MEG3: variants seen among roughly 807,000 people sequenced by gnomAD.
MEG3 encodes the protein maternally expressed 3, also known as Very putative protein from MEG3 locus.
intron 1 of MEG3, chr14:100,827,279 GGAA>G (rs1313041057): frequency 1.3e-5 from 2 of 151,754 alleles, no homozygotes; most frequent in African/African-American, 4.8e-5. Flanking sequence ...GCAGGTTTCT[GGAA>G]GGTTTCCTGG....
downstream of MEG3, chr14:100,830,385 C>A (rs4988990): frequency 0.25 from 34,223 of 138,992 alleles, 4,118 homozygotes; most frequent in Non-Finnish European, 0.26. Flanking sequence ...ACACACACAC[C>A]CCCTCGTGTA....
chr14:100,841,901 G>A (rs1355226991), intron 2 of MEG3, among the ~76,000 whole-genome samples: 1 of 152,188 alleles, frequency 6.6e-6, no homozygotes, highest in African/African-American at 2.4e-5. Flanking sequence ...TTTGGGTCCT[G>A]AGACCCTCGC....
At chr14:100,840,090 G>A (rs1377665270) in intron 2 of MEG3, among the ~76,000 whole-genome samples, 1 of 152,232 alleles carries the variant, frequency 6.6e-6, no homozygotes, top group East Asian at 1.9e-4. Context: ...GGCCGCCGTG[G>A]GCCTCCCAAC....
At chr14:100,832,938 C>T (rs1451763680), downstream of MEG3, 1 of 152,262 alleles carries the variant, frequency 6.6e-6, no homozygotes, top group Non-Finnish European at 1.5e-5. Context: ...CAGTTCCCAA[C>T]TCTAGCTCTC....
chr14:100,845,734 T>A lies in MEG3; in HGVS notation n.3121+201T>A. 1.8e-4 allele frequency: 40 copies of A among 226,220 alleles called. No individual in the cohort carries two copies. Among genetic ancestry groups the A allele is most frequent in the East Asian group, 2.8e-4 (2 of 7,114 alleles). 14.0% of individuals were successfully genotyped at this position (226,220 alleles called of 1,614,324 possible). On this transcript the variant is annotated intron_variant and non_coding_transcript_variant, in intron 3 of 3. Transcript: ENST00000398461. The surrounding 1 kb of genome is among the most constrained non-coding windows in gnomAD (Gnocchi z 5.2). ...CCTGTTTTCTAAGACAGGAGCCCCC[T>A]GCCTCCTTGTGTTGTCTCTGTGGCA...
chr14:100,852,048 A>T (rs2038096119), intron 3 of MEG3: 1 of 280,394 alleles, frequency 3.6e-6, no homozygotes. Context: ...CACAGCTTGG[A>T]TGGACTCAGG....
At chr14:100,852,104 C>CCCACTGGAGTGGG (rs1410083392) in intron 3 of MEG3, 11 of 327,754 alleles carry the variant, frequency 3.4e-5, no homozygotes, top group African/African-American at 2.4e-4. Context: ...GGGGTGGGGC[C>CCCACTGGAGTGGG]AGGCCATCTG....
In MEG3 at chr14:100,826,186, G is replaced by A. The variant is rs536744006; in HGVS notation, n.372-2522G>A. ...GCCTTGGCGGCGGCTCCTCAGGAGA[G>A]CTGGGGCGCCCACGAGAGGATCCCT... On this transcript the variant is annotated intron_variant and non_coding_transcript_variant, in intron 1 of 2. Transcript: ENST00000556407. 10 of 152,308 alleles carry A rather than the reference G, an allele frequency of 6.6e-5. No individual in the cohort carries two copies. The South Asian group carries it at 1.0e-3, about 16-fold the overall frequency. The allele number at this position is 152,308 out of a possible 1,614,324, so 9.4% of individuals were successfully genotyped here.
intron 2 of MEG3, among the ~76,000 whole-genome samples, chr14:100,843,107 C>T (rs150424052): frequency 0.013 from 1,958 of 152,214 alleles, 21 homozygotes; most frequent in Non-Finnish European, 0.021. Context: ...GAGCAGCCTG[C>T]GGTCTGCACA....
At chr14:100,852,475 G>A (rs1193822191), upstream of MEG3, 1 of 526,316 alleles carries the variant, frequency 1.9e-6, no homozygotes, top group South Asian at 1.4e-5. Context: ...TGGGGCCTCA[G>A]GGGTCTGCTC....
At chr14:100,841,614 C>T (rs1440518059) in intron 2 of MEG3, among the ~76,000 whole-genome samples, 1 of 152,034 alleles carries the variant, frequency 6.6e-6, no homozygotes, top group Non-Finnish European at 1.5e-5. Flanking sequence ...TGCCAGTTGC[C>T]AGCTCCTGTG....
At chr14:100,852,449 G>T, upstream of MEG3, 1 of 533,416 alleles carries the variant, frequency 1.9e-6, no homozygotes, top group African/African-American at 1.9e-5. Flanking sequence ...TGGGCCTCGT[G>T]GGCCTGATGT....
rs762527847 is a variant in MEG3, at chr14:100,836,147, ACT to A, written n.2912-15_2912-14del. ...GGGCGCTTGCCTTGCCATGATTCTAACTCTCTGCCCTTCCCCAAGGCACGTGG... is the reference window on the plus strand; with the variant it reads ...GGGCGCTTGCCTTGCCATGATTCTAACTCTGCCCTTCCCCAAGGCACGTGG... On this transcript the variant is annotated intron_variant and non_coding_transcript_variant, in intron 1 of 3. Transcript: ENST00000398461. The A allele has an allele frequency of 1.8e-4, 80 of 439,206 alleles. 1 individual carries two copies. The highest frequency in any genetic ancestry group is 3.3e-4 in the Middle Eastern group (1 of 3,024). 27.2% of individuals were successfully genotyped at this position (439,206 alleles called of 1,614,324 possible). A position where few individuals can be genotyped will look rare whatever the true frequency, so the allele number is the denominator to read the frequency against.
exon 2 of MEG3, chr14:100,860,763 G>A (rs758102298): frequency 1.5e-5 from 7 of 454,614 alleles, no homozygotes; most frequent in Non-Finnish European, 3.1e-5. Context: ...TGGACCCGGG[G>A]CCTCCCCTTG....
At position 100,838,225 on chromosome 14, in the gene MEG3, G is replaced by C. The variant is rs571014615; in HGVS notation, n.3045+1925G>C. Among the ~76,000 whole-genome samples, 5 of 152,262 alleles carry C rather than the reference G, an allele frequency of 3.3e-5. No homozygotes were observed. In the East Asian group the frequency reaches 9.7e-4, roughly 30 times the overall value. On this transcript the variant is annotated intron_variant and non_coding_transcript_variant, in intron 2 of 3. Transcript: ENST00000398461. ...AGCCCAGGGACAAAGTCAAAGTGAA[G>C]GCCAGGGGCACACAGGAGAGGCCCA... is the stretch of plus-strand genomic sequence containing the variant.
At chr14:100,826,581 G>A (rs1336844370) in intron 1 of MEG3, among the ~76,000 whole-genome samples, 1 of 152,166 alleles carries the variant, frequency 6.6e-6, no homozygotes. Flanking sequence ...ATTAGAAGCC[G>A]CCTCTAGAAT....
intron 1 of MEG3, chr14:100,836,126 G>A (rs55996894): frequency 2.4e-4 from 102 of 420,626 alleles, no homozygotes; most frequent in African/African-American, 1.4e-3. Flanking sequence ...TTTCCGGGGC[G>A]CTTGCCTTGC....
At chr14:100,848,682 G>T (rs1402458860) in intron 3 of MEG3, 1 of 152,282 alleles carries the variant, frequency 6.6e-6, no homozygotes, top group South Asian at 2.1e-4. Flanking sequence ...TTTAGCACAA[G>T]CCATCCACAT....
downstream of MEG3, chr14:100,831,324 C>A (rs1333506338): frequency 6.5e-6 from 1 of 153,152 alleles, no homozygotes; most frequent in African/African-American, 2.4e-5. Flanking sequence ...AGGCCTCCCT[C>A]TGCATTTCTG....
Sources: gnomAD v4.1 joint callset for allele counts (sites outside exome capture counted in the v4.1 genomes callset) on GRCh38, gnomAD v4.1.1 for gene constraint, Gnocchi (gnomAD v3.1) non-coding constraint, MANE v1.5 for transcripts, NCBI Gene and HGNC (gene_info 2026-07-23, HGNC 2026-07-21) for gene names.